The following CLEC12A variants were observed in gnomAD, a reference collection of about 807,000 sequenced individuals.
CLEC12A encodes C-type lectin domain family 12 member A.
A neutral mutation model predicts 26.5 loss-of-function variants in CLEC12A; 22 were observed. The observed-to-expected ratio is 0.83, with a 90% confidence interval of 0.59 to 1.19. The LOEUF (loss-of-function observed/expected upper bound fraction) is 1.19. CLEC12A is among the 50% of genes most tolerant of loss of function. The pLI, the probability that CLEC12A is intolerant of heterozygous loss-of-function variation, is 0.00. For missense variants in CLEC12A, 353 were observed against 315.6 expected, an observed-to-expected ratio of 1.12 and a Z score of -0.90; for synonymous variants, 119 against 101.9, an observed-to-expected ratio of 1.17 and a Z score of -1.01.
intron 1 of CLEC12A, chr12:9,953,107 GC>G (rs1459168490): frequency 2.1e-5 from 3 of 140,308 alleles, no homozygotes; most frequent in African/African-American, 8.4e-5. Context: ...CCTCCGCCCG[GC>G]CAGCCGCCCC....
chr12:10,004,058 T>C, the CLEC12A span, among the ~76,000 whole-genome samples: 2 of 152,174 alleles, frequency 1.3e-5, no homozygotes, highest in Non-Finnish European at 2.9e-5. Context: ...TGTCTGTCTG[T>C]TTGACTGTCA....
chr12:9,982,187 T>C, intron 5 of CLEC12A, 58 bp downstream of exon 5: 2 of 877,876 alleles, frequency 2.3e-6, no homozygotes, highest in Non-Finnish European at 1.9e-6. Context: ...GTATTTTCCT[T>C]AGGAGCACTG....
chr12:9,970,460 A>G (rs961066187), upstream of CLEC12A, among the ~76,000 whole-genome samples: 8 of 152,318 alleles, frequency 5.3e-5, no homozygotes, highest in South Asian at 1.2e-3. Flanking sequence ...TATGATTTAC[A>G]TGTGGCAATG....
intron 1 of CLEC12A, among the ~76,000 whole-genome samples, chr12:9,954,793 A>G (rs953986963): frequency 6.6e-6 from 1 of 152,248 alleles, no homozygotes; most frequent in African/African-American, 2.4e-5. Flanking sequence ...TCAAGTTTAC[A>G]TGACTTAAGT....
At chr12:9,998,825 T>G (rs1865116436), downstream of CLEC12A, among the ~76,000 whole-genome samples, 1 of 152,180 alleles carries the variant, frequency 6.6e-6, no homozygotes, top group African/African-American at 2.4e-5. Context: ...CTCAGAATCT[T>G]AATGCAATTT....
At chr12:9,967,663 A>G (rs540630824), upstream of CLEC12A, among the ~76,000 whole-genome samples, 20 of 151,638 alleles carry the variant, frequency 1.3e-4, no homozygotes, top group African/African-American at 4.8e-4. Context: ...CTAAGGGTGA[A>G]GGAGAAGGGG....
At chr12:9,955,247 C>T (rs1210522530) in intron 1 of CLEC12A, among the ~76,000 whole-genome samples, 2 of 151,872 alleles carry the variant, frequency 1.3e-5, no homozygotes, top group African/African-American at 2.4e-5. Context: ...CCACCACGCC[C>T]GGCTAATTTT....
chr12:9,998,488 A>C (rs1425801049), downstream of CLEC12A: 9 of 722,238 alleles, frequency 1.2e-5, no homozygotes, highest in Non-Finnish European at 2.2e-5. Flanking sequence ...CAAGTAATAG[A>C]AAGAGCTTTG....
At chr12:9,965,829 G>A (rs12231833) in intron 1 of CLEC12A, among the ~76,000 whole-genome samples, 49,776 of 151,754 alleles carry the variant, frequency 0.33, 8,840 homozygotes, top group East Asian at 0.46. Flanking sequence ...GGCATTGAGC[G>A]GGGTAAGGTG....
the CLEC12A span, among the ~76,000 whole-genome samples, chr12:10,003,565 G>A: frequency 6.6e-6 from 1 of 152,114 alleles, no homozygotes; most frequent in African/African-American, 2.4e-5. Context: ...TTTTCAGGCA[G>A]GGCAAACAAC....
At chr12:9,975,911 G>A (rs1031834503) in intron 1 of CLEC12A, among the ~76,000 whole-genome samples, 22 of 152,168 alleles carry the variant, frequency 1.4e-4, no homozygotes, top group Admixed American at 1.4e-3. Flanking sequence ...AAGAGGCTAA[G>A]GTACAGCTCA....
chr12:9,984,816 AAT>A (rs1864705541), intron 5 of CLEC12A, 52 bp from the exon 6 acceptor site: 1 of 1,366,780 alleles, frequency 7.3e-7, no homozygotes, highest in Admixed American at 3.1e-5. Flanking sequence ...TTTTTCTGTG[AAT>A]ATGTTTCAAA....
rs781470220 is a variant in CLEC12A at position 9,979,097 on chromosome 12, G to T, written c.190+33G>T. The T allele has an allele frequency of 2.6e-6, 4 of 1,519,448 alleles. No individual in the cohort carries two copies. In the African/African-American group the frequency reaches 4.1e-5, roughly 16 times the overall value. 94.1% of individuals were successfully genotyped at this position (1,519,448 alleles called of 1,614,324 possible). On this transcript the variant is annotated intron_variant, in intron 2 of 5. Coordinates refer to ENST00000304361, the MANE Select transcript of CLEC12A (RefSeq NM_138337.6). ...CTGCCCCTGTTTTTGTCAAGAGGAA[G>T]TATCTAGAATTTCAAATATTTAGCA...
At chr12:9,965,996 C>A (rs1456238127) in intron 1 of CLEC12A, among the ~76,000 whole-genome samples, 2 of 152,010 alleles carry the variant, frequency 1.3e-5, no homozygotes, top group Non-Finnish European at 2.9e-5. Flanking sequence ...GTGGCTGTAG[C>A]CTAGGAATAG....
Position 9,980,631 on chromosome 12 carries a change from C to G in CLEC12A, c.429C>G (p.Ser143Arg). Residue 143 changes from serine (S) to arginine (R), a missense_variant, in exon 4 of 6, where the codon AGC (serine) becomes AGG (arginine). Coordinates refer to ENST00000304361, the MANE Select transcript of CLEC12A (RefSeq NM_138337.6). ...CPRRWIWHKD[S>R]CYFLSDDVQT... ...GGAGATGGATTTGGCATAAGGACAG[C>G]TGTTATTTCCTAAGTGATGATGTCC... 2.5e-6 allele frequency: 4 copies of G among 1,613,840 alleles called. No homozygotes were observed. The highest frequency in any genetic ancestry group is 2.2e-5 in the South Asian group (2 of 91,076).
At chr12:9,955,243 C>T (rs1015944939) in intron 1 of CLEC12A, among the ~76,000 whole-genome samples, 5 of 151,540 alleles carry the variant, frequency 3.3e-5, no homozygotes, top group African/African-American at 9.8e-5. Flanking sequence ...CCCGCCACCA[C>T]GCCCGGCTAA....
At chr12:9,955,957 A>C (rs1473352153) in intron 1 of CLEC12A, among the ~76,000 whole-genome samples, 1 of 152,222 alleles carries the variant, frequency 6.6e-6, no homozygotes, top group East Asian at 1.9e-4. Context: ...AGACCATGAC[A>C]GCAGTTAAGG....
At chr12:9,967,818 T>C (rs970671558), upstream of CLEC12A, among the ~76,000 whole-genome samples, 1 of 152,108 alleles carries the variant, frequency 6.6e-6, no homozygotes, top group African/African-American at 2.4e-5. Flanking sequence ...AGAAAAGCAG[T>C]ACTTGTCGCT....
downstream of CLEC12A, among the ~76,000 whole-genome samples, chr12:9,998,580 T>C (rs7980702): frequency 0.26 from 20,507 of 80,242 alleles, 5,828 homozygotes; most frequent in Middle Eastern, 0.33. Flanking sequence ...CATTCTCATC[T>C]CCAATGCACT....
Sources: gnomAD v4.1 joint callset for allele counts (sites outside exome capture counted in the v4.1 genomes callset) on GRCh38, gnomAD v4.1.1 for gene constraint, MANE v1.5 for transcripts, NCBI Gene and HGNC (gene_info 2026-07-23, HGNC 2026-07-21) for gene names.